PLOD2: variants seen among roughly 807,000 people sequenced by gnomAD.
The protein encoded by PLOD2 is lysine hydroxylase 2.
Under a neutral mutation model 101.0 loss-of-function variants are expected in PLOD2, and 65 were observed. The ratio of observed to expected loss-of-function variants is 0.64; its 90% confidence interval spans 0.53 to 0.79. The LOEUF is 0.79. Ranked by LOEUF, PLOD2 falls within the 30% of genes least tolerant of loss-of-function variation. The pLI is 0.00. For synonymous variants in PLOD2, 314 were observed against 302.9 expected, an observed-to-expected ratio of 1.04 and a Z score of -0.38; for missense variants, 909 against 914.6, an observed-to-expected ratio of 0.99 and a Z score of 0.08.
intron 4 of PLOD2, among the ~76,000 whole-genome samples, chr3:146,107,906 A>AG (rs771059045): frequency 3.9e-4 from 59 of 152,134 alleles, no homozygotes; most frequent in Non-Finnish European, 7.1e-4. Flanking sequence ...AGCCTCCCAA[A>AG]GTGCTGAGAT....
intron 16 of PLOD2, 92 bp from the exon 17 acceptor site, chr3:146,072,757 C>A: frequency 1.3e-6 from 1 of 788,210 alleles, no homozygotes; most frequent in South Asian, 1.5e-5. Flanking sequence ...AATAAAAAAT[C>A]CTGTATGACT....
intron 4 of PLOD2, among the ~76,000 whole-genome samples, chr3:146,107,387 T>C (rs767454742): frequency 5.3e-5 from 8 of 152,194 alleles, no homozygotes; most frequent in South Asian, 2.1e-4. Flanking sequence ...CTCTGAATTA[T>C]GGAAATGCAG....
intron 11 of PLOD2, among the ~76,000 whole-genome samples, chr3:146,084,751 G>T (rs1415154457): frequency 6.6e-6 from 1 of 152,138 alleles, no homozygotes; most frequent in Admixed American, 6.5e-5. Flanking sequence ...ACATATGACT[G>T]TGGGATGATT....
At chr3:146,083,294 T>C (rs144017028) in intron 11 of PLOD2, among the ~76,000 whole-genome samples, 11 of 152,128 alleles carry the variant, frequency 7.2e-5, no homozygotes, top group African/African-American at 2.6e-4. Flanking sequence ...CAAATAGAGA[T>C]AGGGAGAGAA....
In PLOD2 at chr3:146,127,791, G is replaced by GA. The variant is rs559768098; in HGVS notation, c.110-3563dup. Among the ~76,000 whole-genome samples, 8 of 152,138 alleles carry GA rather than the reference G, an allele frequency of 5.3e-5. No homozygotes were observed. In the East Asian group the frequency reaches 1.5e-3, roughly 29 times the overall value. ...CAACATCACTAATCATCAGAGAAGTGAAAATCAAAGCCACAATGAGATACC... is the reference window on the plus strand; with the variant it reads ...CAACATCACTAATCATCAGAGAAGTGAAAAATCAAAGCCACAATGAGATACC... On this transcript the variant is annotated intron_variant, in intron 1 of 19. Coordinates refer to ENST00000282903, the MANE Select transcript of PLOD2 (RefSeq NM_182943.3).
intron 1 of PLOD2, among the ~76,000 whole-genome samples, chr3:146,131,742 G>C (rs1222097544): frequency 1.3e-5 from 2 of 152,102 alleles, no homozygotes; most frequent in Non-Finnish European, 2.9e-5. Flanking sequence ...GGTTTTCCTA[G>C]GTTTCATTGC....
At chr3:146,083,222 G>A (rs1215995880) in intron 11 of PLOD2, among the ~76,000 whole-genome samples, 1 of 152,120 alleles carries the variant, frequency 6.6e-6, no homozygotes, top group Non-Finnish European at 1.5e-5. Flanking sequence ...ATGTAAGGAT[G>A]GCAGCTGAGG....
chr3:146,107,256 T>C (rs6780480), intron 4 of PLOD2, among the ~76,000 whole-genome samples: 11,723 of 152,276 alleles, frequency 0.077, 601 homozygotes, highest in Non-Finnish European at 0.11. Context: ...TGTCATAGTC[T>C]GGAAAAAGGA....
chr3:146,157,431 C>T (rs1300554611), intron 1 of PLOD2, among the ~76,000 whole-genome samples: 2 of 152,042 alleles, frequency 1.3e-5, no homozygotes, highest in Non-Finnish European at 2.9e-5. Flanking sequence ...TTCCTAGGAG[C>T]TAGACTTAAA....
At chr3:146,078,740 C>A (rs892407693) in intron 13 of PLOD2, among the ~76,000 whole-genome samples, 5 of 151,814 alleles carry the variant, frequency 3.3e-5, no homozygotes, top group South Asian at 2.1e-4. Context: ...ATTCTTAAAT[C>A]TGGAAATATT....
chr3:146,110,443 T>C lies in PLOD2; in HGVS notation c.344A>G (p.Asp115Gly). The C allele has an allele frequency of 6.2e-7, 1 of 1,607,172 alleles. No homozygotes were observed. Among genetic ancestry groups the C allele is most frequent in the Non-Finnish European group, 8.5e-7 (1 of 1,177,412 alleles). Reference sequence around the variant, plus strand: ...TTCTGGACCACCAGCAAATATGACATCAAAGCTGTTCAATGAGGAAAAAAT... The same window carrying C: ...TTCTGGACCACCAGCAAATATGACACCAAAGCTGTTCAATGAGGAAAAAAT... ...DLVVMFTECF[D>G]VIFAGGPEEV... is the part of the protein sequence containing the mutation. The change falls in exon 4 of 20, where the codon GAT becomes GGT. Residue 115 changes from aspartate to glycine, a missense_variant. Asp to Gly is a moderately conservative substitution (Grantham distance 94). Transcript: ENST00000282903.
chr3:146,084,013 T>G (rs964829130), intron 11 of PLOD2, among the ~76,000 whole-genome samples: 9 of 151,930 alleles, frequency 5.9e-5, no homozygotes, highest in Non-Finnish European at 1.2e-4. Context: ...AGTCATAAAA[T>G]GAAAATATCT....
At chr3:146,146,614 T>C (rs1170993398) in intron 1 of PLOD2, among the ~76,000 whole-genome samples, 1 of 152,156 alleles carries the variant, frequency 6.6e-6, no homozygotes, top group Non-Finnish European at 1.5e-5. Context: ...GTATAGTCAC[T>C]GCCTCATGGG....
intron 15 of PLOD2, chr3:146,075,831 A>G (rs1936313975): frequency 2.0e-5 from 3 of 151,770 alleles, no homozygotes; most frequent in African/African-American, 7.2e-5. Context: ...CCCCAAAGCT[A>G]ATAAGTGTCT....
intron 1 of PLOD2, among the ~76,000 whole-genome samples, chr3:146,155,726 A>AG (rs2032278020): frequency 6.6e-6 from 1 of 151,544 alleles, no homozygotes; most frequent in African/African-American, 2.4e-5. Flanking sequence ...AAAAAAAAAA[A>AG]AAAAAAGAAA....
At chr3:146,115,259 GA>G (rs1257175391) in intron 3 of PLOD2, among the ~76,000 whole-genome samples, 2 of 152,112 alleles carry the variant, frequency 1.3e-5, no homozygotes, top group African/African-American at 2.4e-5. Context: ...TACATGTGAA[GA>G]AAATAAAATT....
At position 146,106,623 on chromosome 3, in the gene PLOD2, T is replaced by C. The variant is rs1256728413; in HGVS notation, c.524A>G (p.Tyr175Cys). The C allele has an allele frequency of 1.9e-6, 3 of 1,571,258 alleles. No homozygotes were observed. Among genetic ancestry groups the C allele is most frequent in the East Asian group, 2.2e-5 (1 of 44,654 alleles). Residue 175 changes from tyrosine (Y) to cysteine (C), a missense_variant, in exon 5 of 20, where the codon TAT (tyrosine) becomes TGT (cysteine). Physicochemically the swap from Tyr to Cys is radical, Grantham distance 194. Transcript: ENST00000282903. ...NSGGFIGYAP[Y>C]VNRIVQQWNL... is the part of the protein sequence containing the mutation. ...CCATTGTTGAACTATACGGTTGACA[T>C]ATGGAGCATAGCCAATAAATCCTGC...
At chr3:146,097,134 T>A (rs1204710524) in intron 7 of PLOD2, among the ~76,000 whole-genome samples, 1 of 138,478 alleles carries the variant, frequency 7.2e-6, no homozygotes, top group Non-Finnish European at 1.6e-5. Flanking sequence ...GGTGGGGGGG[T>A]CAGCCCCCCG....
At chr3:146,113,627 T>C (rs1937750643) in intron 3 of PLOD2, among the ~76,000 whole-genome samples, 1 of 152,218 alleles carries the variant, frequency 6.6e-6, no homozygotes, top group South Asian at 2.1e-4. Flanking sequence ...TCAATACTCT[T>C]GTGATTTCCT....
Sources: gnomAD v4.1 joint callset for allele counts (sites outside exome capture counted in the v4.1 genomes callset) on GRCh38, gnomAD v4.1.1 for gene constraint, MANE v1.5 for transcripts, NCBI Gene and HGNC (gene_info 2026-07-23, HGNC 2026-07-21) for gene names.